QTGAL: variants seen among roughly 807,000 people sequenced by gnomAD.
The protein encoded by QTGAL is BGnT-like protein 1.
At chr17:83,041,277 C>A in the QTGAL span, among the ~76,000 whole-genome samples, 3 of 151,946 alleles carry the variant, frequency 2.0e-5, no homozygotes. Context: ...CCAACATATG[C>A]ACAATGCAAG....
the QTGAL span, chr17:82,942,444 T>C: frequency 6.2e-7 from 1 of 1,613,960 alleles, no homozygotes; most frequent in Non-Finnish European, 8.5e-7. Context: ...TTGTCTCTTC[T>C]TCAGCCTGGT....
chr17:82,998,507 G>A, the QTGAL span, among the ~76,000 whole-genome samples: 1 of 152,080 alleles, frequency 6.6e-6, no homozygotes. Flanking sequence ...CACCATGCCT[G>A]GCTAATTTTT....
At chr17:83,039,318 G>GCAGATTAGCTCATTTCACA in the QTGAL span, among the ~76,000 whole-genome samples, 7 of 57,348 alleles carry the variant, frequency 1.2e-4, no homozygotes, top group African/African-American at 1.8e-4. Context: ...TAGACACACT[G>GCAGATTAGCTCATTTCACA]CTGGGCGCCC....
At chr17:83,024,292 G>A in the QTGAL span, among the ~76,000 whole-genome samples, 1 of 146,108 alleles carries the variant, frequency 6.8e-6, no homozygotes, top group African/African-American at 2.8e-5. Context: ...GGGTCCTCCA[G>A]GCGGGCAGGC....
At chr17:82,947,019 C>T in the QTGAL span, 2 of 1,543,980 alleles carry the variant, frequency 1.3e-6, no homozygotes, top group Non-Finnish European at 1.8e-6. Flanking sequence ...AGTCCGGTCT[C>T]CTGGCTCTAG....
the QTGAL span, chr17:82,978,963 C>A: frequency 1.3e-5 from 2 of 152,202 alleles, no homozygotes; most frequent in African/African-American, 4.8e-5. This position sits in a 1 kb window ranked among gnomAD's most constrained non-coding sequence, Gnocchi z 4.8. Flanking sequence ...AAAACCTGTA[C>A]AATGCGGCTG....
the QTGAL span, among the ~76,000 whole-genome samples, chr17:82,963,180 G>C: frequency 6.6e-6 from 1 of 152,210 alleles, no homozygotes; most frequent in African/African-American, 2.4e-5. Context: ...GAACTGCCTG[G>C]AGGAGAAAAG....
the QTGAL span, among the ~76,000 whole-genome samples, chr17:82,988,908 T>A: frequency 6.6e-6 from 1 of 152,218 alleles, no homozygotes; most frequent in African/African-American, 2.4e-5. Context: ...TTGGTGGGAA[T>A]GTAAATTAGT....
At chr17:83,035,097 C>T in the QTGAL span, 91 of 1,610,880 alleles carry the variant, frequency 5.6e-5, no homozygotes, top group Admixed American at 7.7e-4. Context: ...TTAGCGTATC[C>T]GACTGTGGAA....
chr17:82,976,339 C>T, the QTGAL span, among the ~76,000 whole-genome samples: 7 of 74,022 alleles, frequency 9.5e-5, no homozygotes, highest in South Asian at 2.6e-3. Flanking sequence ...ACGAGGGCCC[C>T]GGGACAGAGC....
At chr17:82,982,911 T>C in the QTGAL span, among the ~76,000 whole-genome samples, 9,233 of 152,076 alleles carry the variant, frequency 0.061, 328 homozygotes, top group South Asian at 0.087. Context: ...CCTTGTTCTC[T>C]GGTTATATAA....
At chr17:82,976,608 T>C in the QTGAL span, among the ~76,000 whole-genome samples, 1 of 64,964 alleles carries the variant, frequency 1.5e-5, no homozygotes, top group Non-Finnish European at 2.8e-5. Flanking sequence ...GACTCCATCC[T>C]CCCAGGGACC....
At chr17:83,045,982 C>G in the QTGAL span, among the ~76,000 whole-genome samples, 6 of 151,812 alleles carry the variant, frequency 4.0e-5, no homozygotes, top group East Asian at 1.9e-4. Context: ...TGCCACTACT[C>G]CAAGCTAATT....
the QTGAL span, among the ~76,000 whole-genome samples, chr17:83,010,555 T>C: frequency 6.6e-6 from 1 of 152,252 alleles, no homozygotes; most frequent in Admixed American, 6.5e-5. Flanking sequence ...CTGGGGGCCG[T>C]GGCCCTCCCA....
chr17:82,970,249 G>A, the QTGAL span, among the ~76,000 whole-genome samples: 1 of 152,204 alleles, frequency 6.6e-6, no homozygotes, highest in Non-Finnish European at 1.5e-5. Context: ...TGGCACATCC[G>A]TGAATACCCC....
the QTGAL span, among the ~76,000 whole-genome samples, chr17:82,977,195 C>T: frequency 3.9e-5 from 6 of 152,242 alleles, no homozygotes; most frequent in East Asian, 5.8e-4. Flanking sequence ...CACCCATGAA[C>T]GGAGGCCCGA....
chr17:82,973,494 T>A, the QTGAL span, among the ~76,000 whole-genome samples: 1 of 151,846 alleles, frequency 6.6e-6, no homozygotes, highest in Non-Finnish European at 1.5e-5. Context: ...GAAAAGGAGA[T>A]GAAAAGCTTT....
the QTGAL span, chr17:82,948,623 G>C: frequency 6.6e-6 from 1 of 152,252 alleles, no homozygotes; most frequent in Admixed American, 6.5e-5. Flanking sequence ...TACAAAAATA[G>C]GATAAATTAG....
At chr17:83,047,249 C>A in the QTGAL span, among the ~76,000 whole-genome samples, 24 of 152,270 alleles carry the variant, frequency 1.6e-4, 1 homozygote, top group South Asian at 6.2e-4. Context: ...GAGCTCTGAG[C>A]GGCCTCTTTT....
Sources: gnomAD v4.1 joint callset for allele counts (sites outside exome capture counted in the v4.1 genomes callset) on GRCh38, gnomAD v4.1.1 for gene constraint, Gnocchi (gnomAD v3.1) non-coding constraint, MANE v1.5 for transcripts, NCBI Gene and HGNC (gene_info 2026-07-23, HGNC 2026-07-21) for gene names.